The following DLG4 variants were observed in gnomAD, a reference collection of about 807,000 sequenced individuals.
DLG4 encodes disks large homolog 4.
A neutral mutation model predicts 93.8 loss-of-function variants in DLG4; 7 were observed. That is an observed-to-expected ratio of 0.07 (90% CI 0.04 to 0.14). DLG4 has a LOEUF of 0.14. Ranked by LOEUF, DLG4 falls within the 10% of genes least tolerant of loss-of-function variation. The pLI is 1.00. For missense variants in DLG4, 545 were observed against 992.9 expected (o/e 0.55, Z 6.06); for synonymous variants, 341 against 387.6 (o/e 0.88, Z 1.41).
upstream of DLG4, chr17:7,218,349 C>G: frequency 1.3e-6 from 2 of 1,531,414 alleles, no homozygotes; most frequent in Admixed American, 1.9e-5. Flanking sequence ...CCCCTGTCAT[C>G]ACCGCTGCTG....
chr17:7,203,620 C>CAAG lies in DLG4; in HGVS notation c.336-30_336-28dup. The stretch of plus-strand genomic sequence containing the variant: ...TGGGAGCAGCAAGGTGGGCCTGAGC[C>CAAG]AAGAGCTTCCTGCTGCCCTGGCCCT... On this transcript the variant is annotated intron_variant, in intron 5 of 19. Coordinates refer to ENST00000399506, the MANE Select transcript of DLG4 (RefSeq NM_001321075.3). The surrounding 1 kb of genome is among the most constrained non-coding windows in gnomAD (Gnocchi z 7.2). The CAAG allele has an allele frequency of 6.2e-7, 1 of 1,609,012 alleles. No individual in the cohort carries two copies. Among genetic ancestry groups the CAAG allele is most frequent in the East Asian group, 2.2e-5 (1 of 44,706 alleles).
chr17:7,196,345 A>G lies in DLG4; in HGVS notation c.1187-11T>C. The G allele has an allele frequency of 6.2e-7, 1 of 1,613,780 alleles. No individual in the cohort carries two copies. Among genetic ancestry groups the G allele is most frequent in the Non-Finnish European group, 8.5e-7 (1 of 1,179,710 alleles). Reference sequence around the variant, plus strand: ...CGAATCGGCTGTACTCTGAGGAAGGACAGGGAGGTTTCTGAGCTCTGTCCC... The same window carrying G: ...CGAATCGGCTGTACTCTGAGGAAGGGCAGGGAGGTTTCTGAGCTCTGTCCC... On this transcript the variant is annotated splice_polypyrimidine_tract_variant and intron_variant, in intron 10 of 19. Coordinates refer to ENST00000399506, the MANE Select transcript of DLG4 (RefSeq NM_001321075.3). The surrounding 1 kb of genome is among the most constrained non-coding windows in gnomAD (Gnocchi z 8.3).
At chr17:7,214,008 A>C in intron 1 of DLG4, 2 of 358,132 alleles carry the variant, frequency 5.6e-6, no homozygotes, top group African/African-American at 2.2e-5. Context: ...GCCCATAAAG[A>C]CCCTTCCCCA....
At chr17:7,210,820 C>A (rs1182846967) in intron 1 of DLG4, among the ~76,000 whole-genome samples, 3 of 152,086 alleles carry the variant, frequency 2.0e-5, no homozygotes, top group African/African-American at 7.2e-5. Context: ...GAAATGTCAG[C>A]GTGCACCCAA....
chr17:7,217,440 G>T lies in DLG4; in HGVS notation c.-293C>A. On this transcript the variant is annotated 5_prime_UTR_variant, in exon 1 of 20. Coordinates refer to ENST00000399506, the MANE Select transcript of DLG4 (RefSeq NM_001321075.3). ...GGGGCACCGGGGGCTGGCAGCCCCGGAGTTCGGGGGCTGGGGCATGAGCTG... is the reference window on the plus strand; with the variant it reads ...GGGGCACCGGGGGCTGGCAGCCCCGTAGTTCGGGGGCTGGGGCATGAGCTG... The T allele has an allele frequency of 3.1e-6, 1 of 318,710 alleles. No homozygotes were observed. The highest frequency in any genetic ancestry group is 5.4e-6 in the Non-Finnish European group (1 of 185,480). The allele number at this position is 318,710 out of a possible 1,614,324, so 19.7% of individuals were successfully genotyped here. A position where few individuals can be genotyped will look rare whatever the true frequency, so the allele number is the denominator to read the frequency against.
At position 7,191,345 on chromosome 17, in the gene DLG4, G is replaced by T. The variant is rs926998138; in HGVS notation, c.1990C>A (p.Arg664=). The change falls in exon 19 of 20, where the codon CGG becomes AGG. Residue 664 remains arginine (R), a synonymous_variant. Transcript: ENST00000399506. The surrounding 1 kb of genome is among the most constrained non-coding windows in gnomAD (Gnocchi z 6.6). ...SLENVLEINK[R]ITEEQARKAF... ...TTGCGGGCTTGCTCCTCTGTGATCCGCTTGTTAATCTCTCTGTGAAGAGGG... is the reference window on the plus strand; with the variant it reads ...TTGCGGGCTTGCTCCTCTGTGATCCTCTTGTTAATCTCTCTGTGAAGAGGG... The T allele has an allele frequency of 1.2e-6, 2 of 1,613,782 alleles. No individual in the cohort carries two copies. Among genetic ancestry groups the T allele is most frequent in the African/African-American group, 1.3e-5 (1 of 74,994 alleles).
rs1279220214 is a variant in DLG4 at position 7,188,852 on chromosome 17, C to T, written c.*1856G>A. Among the ~76,000 whole-genome samples the T allele has an allele frequency of 6.6e-6, 1 of 152,146 alleles. No homozygotes were observed. The highest frequency in any genetic ancestry group is 1.5e-5 in the Non-Finnish European group (1 of 68,020). On this transcript the variant is annotated 3_prime_UTR_variant, in exon 20 of 20. Transcript: ENST00000399506. Reference sequence around the variant, plus strand: ...AAAGGCTGGGCGTAGTGGCTCATGCCTGTAATCTTAACACTGTGGGAGGCC... The same window carrying T: ...AAAGGCTGGGCGTAGTGGCTCATGCTTGTAATCTTAACACTGTGGGAGGCC...
At position 7,188,076 on chromosome 17, in the gene DLG4, A is replaced by G. The variant is rs1474175156; in HGVS notation, c.*2632T>C. Among the ~76,000 whole-genome samples the G allele has an allele frequency of 1.3e-5, 2 of 151,590 alleles. No homozygotes were observed. Among genetic ancestry groups the G allele is most frequent in the African/African-American group, 4.8e-5 (2 of 41,304 alleles). ...CAAAAGTGAAACTCGACCTCAAAAA[A>G]AAAAAAAAAAAAATCCTCTGAAGCA... On this transcript the variant is annotated 3_prime_UTR_variant, in exon 20 of 20. Transcript: ENST00000399506.
chr17:7,210,643 G>T (rs1406313667), intron 1 of DLG4, among the ~76,000 whole-genome samples: 1 of 152,302 alleles, frequency 6.6e-6, no homozygotes, highest in Non-Finnish European at 1.5e-5. Context: ...CTGGGGGAAG[G>T]GGTGGAAGCC....
At position 7,194,194 on chromosome 17, in the gene DLG4, G is replaced by A; in HGVS notation, c.1478+125C>T. On this transcript the variant is annotated intron_variant, in intron 12 of 19. Transcript: ENST00000399506. The surrounding 1 kb of genome is among the most constrained non-coding windows in gnomAD (Gnocchi z 4.4). ...CTCATGGGAGCCACGGACCCCAGGA[G>A]GGCCCAACAGACAAACCCCTAGGAG... 1 of 1,378,582 alleles carries A rather than the reference G, an allele frequency of 7.3e-7. No individual in the cohort carries two copies. Among genetic ancestry groups the A allele is most frequent in the East Asian group, 2.5e-5 (1 of 40,000 alleles). 85.4% of individuals were successfully genotyped at this position (1,378,582 alleles called of 1,614,324 possible). A position where few individuals can be genotyped will look rare whatever the true frequency, so the allele number is the denominator to read the frequency against.
intron 1 of DLG4, among the ~76,000 whole-genome samples, chr17:7,211,168 C>T (rs1439109876): frequency 2.8e-5 from 3 of 108,366 alleles, no homozygotes; most frequent in Non-Finnish European, 5.6e-5. Flanking sequence ...AAACTGCAGA[C>T]TGGGGGGCTG....
upstream of DLG4, chr17:7,219,903 GT>G: frequency 9.8e-7 from 1 of 1,018,990 alleles, no homozygotes; most frequent in Non-Finnish European, 1.4e-6. Flanking sequence ...ATGAGTCAGG[GT>G]TAGGGGCGCC....
chr17:7,210,727 T>C (rs2070672823), intron 1 of DLG4, among the ~76,000 whole-genome samples: 1 of 152,058 alleles, frequency 6.6e-6, no homozygotes, highest in African/African-American at 2.4e-5. Context: ...AAGCTCCAAG[T>C]TTTGGAGTCT....
upstream of DLG4, chr17:7,217,897 G>A (rs1340220907): frequency 6.5e-6 from 9 of 1,379,736 alleles, 1 homozygote; most frequent in Admixed American, 1.4e-4. Flanking sequence ...ACGGGAGGGA[G>A]GCCTCTCGGC....
rs2069326585 is a variant in DLG4 at position 7,187,443 on chromosome 17, G to C, written c.*3265C>G. ...CACCTGTAATCCCAGCTACTCGGGA[G>C]GCTGAGGCAGGAGAATAGCTTGAAT... On this transcript the variant is annotated 3_prime_UTR_variant, in exon 20 of 20. Coordinates refer to ENST00000399506, the MANE Select transcript of DLG4 (RefSeq NM_001321075.3). Among the ~76,000 whole-genome samples, 1 of 151,758 alleles carries C rather than the reference G, an allele frequency of 6.6e-6. No homozygotes were observed. Among genetic ancestry groups the C allele is most frequent in the Non-Finnish European group, 1.5e-5 (1 of 67,958 alleles).
rs748853193 is a variant in DLG4 at position 7,208,075 on chromosome 17, C to T, written c.96+99G>A. 1.5e-6 allele frequency: 2 copies of T among 1,312,998 alleles called. No individual in the cohort carries two copies. The highest frequency in any genetic ancestry group is 2.0e-6 in the Non-Finnish European group (2 of 1,022,622). The allele number at this position is 1,312,998 out of a possible 1,614,324, so 81.3% of individuals were successfully genotyped here. A position where few individuals can be genotyped will look rare whatever the true frequency, so the allele number is the denominator to read the frequency against. ...GGAGGGGGCCACCAGGGTCTCCTAC[C>T]TTGAAGGGGGAGAGGTGGGCGTGGC... On this transcript the variant is annotated intron_variant, in intron 2 of 19. Coordinates refer to ENST00000399506, the MANE Select transcript of DLG4 (RefSeq NM_001321075.3). The surrounding 1 kb of genome is among the most constrained non-coding windows in gnomAD (Gnocchi z 5.4).
At position 7,203,080 on chromosome 17, in the gene DLG4, C is replaced by A. The variant is rs778591288; in HGVS notation, c.643-33G>T. 1.9e-6 allele frequency: 3 copies of A among 1,587,664 alleles called. No homozygotes were observed. Among genetic ancestry groups the A allele is most frequent in the South Asian group, 2.3e-5 (2 of 88,886 alleles). On this transcript the variant is annotated intron_variant, in intron 7 of 19. Coordinates refer to ENST00000399506, the MANE Select transcript of DLG4 (RefSeq NM_001321075.3). The surrounding 1 kb of genome is among the most constrained non-coding windows in gnomAD (Gnocchi z 7.2). ...CAAGGAAAGCAAAGCTCAGACAAAG[C>A]CACAAATGGCCCAAGACAGAAGCAC...
chr17:7,219,967 G>A (rs758357222), upstream of DLG4: 44 of 1,596,344 alleles, frequency 2.8e-5, no homozygotes, highest in Non-Finnish European at 3.6e-5. Flanking sequence ...AGCCAGCGGC[G>A]CCCGGAGAGA....
Position 7,196,118 on chromosome 17 carries a change from G to C in DLG4, c.1301+102C>G, listed in dbSNP as rs1405759563. On this transcript the variant is annotated intron_variant, in intron 11 of 19. Coordinates refer to ENST00000399506, the MANE Select transcript of DLG4 (RefSeq NM_001321075.3). This position sits in a 1 kb window ranked among gnomAD's most constrained non-coding sequence, Gnocchi z 8.3. ...GCCTCAGGCCTGGGGTGGGGAGCTA[G>C]AGCAGGCAGGGTGGAGAAGAGGAGC... is the stretch of plus-strand genomic sequence containing the variant. The C allele has an allele frequency of 3.6e-6, 3 of 831,762 alleles. No homozygotes were observed. Among genetic ancestry groups the C allele is most frequent in the Non-Finnish European group, 5.6e-6 (3 of 531,310 alleles). The allele number at this position is 831,762 out of a possible 1,614,324, so 51.5% of individuals were successfully genotyped here. A position where few individuals can be genotyped will look rare whatever the true frequency, so the allele number is the denominator to read the frequency against.
Sources: gnomAD v4.1 joint callset for allele counts (sites outside exome capture counted in the v4.1 genomes callset) on GRCh38, gnomAD v4.1.1 for gene constraint, Gnocchi (gnomAD v3.1) non-coding constraint, MANE v1.5 for transcripts, NCBI Gene and HGNC (gene_info 2026-07-23, HGNC 2026-07-21) for gene names.